CEACAM1: variants seen among roughly 807,000 people sequenced by gnomAD.
The protein encoded by CEACAM1 is cell adhesion molecule CEACAM1.
In CEACAM1, 31 loss-of-function variants were observed where a neutral mutation model predicts 49.1. The observed-to-expected ratio is 0.63, with a 90% CI of 0.47 to 0.85. CEACAM1 has a LOEUF of 0.85. Ranked by LOEUF, CEACAM1 falls within the 40% of genes least tolerant of loss-of-function variation. CEACAM1 has a pLI of 0.00. For synonymous variants in CEACAM1, 244 were observed against 247.8 expected (o/e 0.98, Z 0.14); for missense variants, 570 against 645.3 (o/e 0.88, Z 1.26).
At chr19:42,509,720 G>A (rs10412594) in intron 8 of CEACAM1, among the ~76,000 whole-genome samples, 15,549 of 151,844 alleles carry the variant, frequency 0.1, 2,626 homozygotes, top group African/African-American at 0.35. Flanking sequence ...TCTGCCTCCC[G>A]GGTTCAAGCG....
chr19:42,512,223 C>T (rs1476954988), intron 6 of CEACAM1, 127 bp downstream of exon 6: 12 of 1,079,902 alleles, frequency 1.1e-5, no homozygotes, highest in East Asian at 2.5e-5. Context: ...GAATTAGTGC[C>T]GAGAAGCAGG....
At chr19:42,524,480 G>C (rs2041839550) in intron 2 of CEACAM1, among the ~76,000 whole-genome samples, 1 of 152,166 alleles carries the variant, frequency 6.6e-6, no homozygotes, top group South Asian at 2.1e-4. Context: ...CTGTCCCCTG[G>C]CCTGTTCCAC....
chr19:42,528,167 A>T, intron 1 of CEACAM1, 144 bp downstream of exon 1: 1 of 602,264 alleles, frequency 1.7e-6, no homozygotes, highest in Non-Finnish European at 2.9e-6. Context: ...TCCTTTTATG[A>T]TCTCTATCCC....
At chr19:42,527,626 C>T (rs2041929317) in intron 1 of CEACAM1, 3 of 565,748 alleles carry the variant, frequency 5.3e-6, no homozygotes, top group Non-Finnish European at 8.6e-6. Context: ...GAATGCCCTT[C>T]CCCAGGGATC....
At chr19:42,516,003 C>G (rs746783564) in intron 5 of CEACAM1, among the ~76,000 whole-genome samples, 1 of 152,094 alleles carries the variant, frequency 6.6e-6, no homozygotes, top group Non-Finnish European at 1.5e-5. Flanking sequence ...CTAAAAAACA[C>G]TGAAACTAGG....
At chr19:42,523,983 G>C (rs1025828168) in intron 2 of CEACAM1, among the ~76,000 whole-genome samples, 1 of 152,106 alleles carries the variant, frequency 6.6e-6, no homozygotes, top group African/African-American at 2.4e-5. Context: ...CATATGAGGA[G>C]AAGTGATGTA....
chr19:42,511,522 G>A, intron 7 of CEACAM1, 54 bp downstream of exon 7: 1 of 1,426,368 alleles, frequency 7.0e-7, no homozygotes, highest in South Asian at 1.2e-5. Context: ...CCTGCCAGGG[G>A]AGGGCACGTG....
chr19:42,517,345 A>G (rs1290633682), intron 5 of CEACAM1, among the ~76,000 whole-genome samples: 2 of 152,346 alleles, frequency 1.3e-5, no homozygotes, highest in East Asian at 3.9e-4. Flanking sequence ...GAAAATTAAA[A>G]GCTTTTGTGT....
intron 6 of CEACAM1, 151 bp from the exon 7 acceptor site, chr19:42,511,779 C>A: frequency 1.5e-6 from 1 of 683,392 alleles, no homozygotes. Context: ...AGTCTAACTA[C>A]AATCCCTTCT....
At chr19:42,509,793 A>AT (rs371875961) in intron 8 of CEACAM1, among the ~76,000 whole-genome samples, 1 of 151,810 alleles carries the variant, frequency 6.6e-6, no homozygotes, top group Non-Finnish European at 1.5e-5. Flanking sequence ...CGCCCGGCTA[A>AT]TTTTTTGTAT....
chr19:42,524,132 C>T (rs1208506114), intron 2 of CEACAM1, among the ~76,000 whole-genome samples: 1 of 152,208 alleles, frequency 6.6e-6, no homozygotes, highest in Admixed American at 6.5e-5. Flanking sequence ...TAGAGTTTGA[C>T]CAAATTCATC....
chr19:42,511,996 T>G (rs945388839), intron 6 of CEACAM1, among the ~76,000 whole-genome samples: 8 of 152,272 alleles, frequency 5.3e-5, no homozygotes, highest in African/African-American at 1.9e-4. Context: ...TTCTCCCTCC[T>G]CTTCCAATGT....
At chr19:42,528,033 C>G (rs556081938) in intron 1 of CEACAM1, among the ~76,000 whole-genome samples, 7 of 152,226 alleles carry the variant, frequency 4.6e-5, no homozygotes, top group Admixed American at 4.6e-4. Context: ...TTAATTGTCA[C>G]GCTGACTTAA....
At chr19:42,512,619 G>T in intron 5 of CEACAM1, 140 bp from the exon 6 acceptor site, 2 of 746,098 alleles carry the variant, frequency 2.7e-6, no homozygotes, top group Non-Finnish European at 4.3e-6. Context: ...TTGCTGGAAG[G>T]TGATTAGCTA....
intron 5 of CEACAM1, among the ~76,000 whole-genome samples, chr19:42,515,914 AG>A (rs1397100744): frequency 3.9e-5 from 6 of 152,228 alleles, no homozygotes; most frequent in Non-Finnish European, 7.3e-5. Flanking sequence ...ATGAATAAAT[AG>A]AAAATCTGAA....
rs2041762023 is a variant in CEACAM1, at chr19:42,521,993, G to A, written c.634C>T (p.Pro212Ser). 2 of 1,614,108 alleles carry A rather than the reference G, an allele frequency of 1.2e-6. No homozygotes were observed. The highest frequency in any genetic ancestry group is 3.3e-5 in the Admixed American group (2 of 60,010). ...GGGTTCTGTATTTCACACTCATAGG[G>A]TCCTGTGTCATTCCTTGTGACACTG... ...LLSVTRNDTG[P>S]YECEIQNPVS... Residue 212 changes from proline (P) to serine (S), a missense_variant, in exon 3 of 9, where the codon CCC becomes TCC. Physicochemically the swap from Pro to Ser is moderately conservative, Grantham distance 74. Coordinates refer to ENST00000161559, the MANE Select transcript of CEACAM1 (RefSeq NM_001712.5).
chr19:42,527,938 G>A, intron 1 of CEACAM1: 1 of 238,340 alleles, frequency 4.2e-6, no homozygotes, highest in Non-Finnish European at 8.1e-6. Context: ...CATTCCCAGG[G>A]CTCTTCATGT....
chr19:42,521,440 G>C lies in CEACAM1; in HGVS notation c.785C>G (p.Ala262Gly). The change falls in exon 4 of 9, where the codon GCC becomes GGC. Residue 262 changes from alanine (A) to glycine (G), a missense_variant. Transcript: ENST00000161559. ...GGAGTACTGTGCAGGTGGGTTAGAG[G>C]CTGCATAGCAGGAGAGGCTGAGGTT... ...GANLSLSCYA[A>G]SNPPAQYSWL... 6.2e-7 allele frequency: 1 copy of C among 1,614,214 alleles called. No individual in the cohort carries two copies. Among genetic ancestry groups the C allele is most frequent in the Non-Finnish European group, 8.5e-7 (1 of 1,180,038 alleles).
intron 1 of CEACAM1, 105 bp from the exon 2 acceptor site, chr19:42,527,505 G>GTGTT: frequency 1.6e-5 from 1 of 63,552 alleles, no homozygotes. Flanking sequence ...CCACCTTGGA[G>GTGTT]TGTGTGTGTG....
Sources: allele counts gnomAD v4.1 joint callset (sites outside exome capture counted in the v4.1 genomes callset), GRCh38; gene constraint gnomAD v4.1.1; transcripts MANE v1.5; gene names NCBI Gene and HGNC (gene_info 2026-07-23, HGNC 2026-07-21).